FAM184A: variants seen among roughly 807,000 people sequenced by gnomAD.
The protein encoded by FAM184A is family with sequence similarity 184 member A.
Under a neutral mutation model 143.8 loss-of-function variants are expected in FAM184A, and 99 were observed. The ratio of observed to expected loss-of-function variants is 0.69; its 90% CI spans 0.58 to 0.81. The LOEUF (loss-of-function observed/expected upper bound fraction) is 0.81. FAM184A is among the 40% of genes least tolerant of loss of function. The probability of loss-of-function intolerance (pLI) is 0.00; values close to 1 mark genes in which losing one functional copy is unlikely to be tolerated. For synonymous variants in FAM184A, 427 were observed against 446.4 expected (o/e 0.96, Z 0.55); for missense variants, 1,217 against 1,310.5 (o/e 0.93, Z 1.10).
intron 1 of FAM184A, among the ~76,000 whole-genome samples, chr6:119,126,511 G>A (rs1401222018): frequency 2.6e-5 from 4 of 152,226 alleles, no homozygotes; most frequent in African/African-American, 9.7e-5. Context: ...GTAGCTGAGT[G>A]GGTGCAAGAG....
At chr6:119,050,140 C>A (rs1432589955) in intron 1 of FAM184A, among the ~76,000 whole-genome samples, 1 of 152,154 alleles carries the variant, frequency 6.6e-6, no homozygotes, top group Non-Finnish European at 1.5e-5. Context: ...CCATCTCACA[C>A]CAGTCAGAAT....
chr6:119,072,627 G>A (rs182199728), intron 1 of FAM184A, among the ~76,000 whole-genome samples: 58 of 152,262 alleles, frequency 3.8e-4, no homozygotes, highest in Admixed American at 6.5e-4. Flanking sequence ...TAAAAGCAGA[G>A]TTAGTATAAA....
intron 1 of FAM184A, among the ~76,000 whole-genome samples, chr6:119,035,087 A>AT (rs1207635227): frequency 6.6e-6 from 1 of 151,974 alleles, no homozygotes; most frequent in South Asian, 2.1e-4. Flanking sequence ...CTACGGAAGG[A>AT]TTTTTTTTAA....
intron 1 of FAM184A, among the ~76,000 whole-genome samples, chr6:119,095,490 AC>A (rs1788481123): frequency 1.3e-5 from 2 of 152,080 alleles, no homozygotes; most frequent in Admixed American, 1.3e-4. Flanking sequence ...CTTTCATGGC[AC>A]TCTTTGGGTG....
intron 9 of FAM184A, among the ~76,000 whole-genome samples, chr6:118,991,743 T>C (rs1266884906): frequency 1.6e-5 from 2 of 128,516 alleles, no homozygotes; most frequent in African/African-American, 5.6e-5. Context: ...GGGGTGCCCC[T>C]GAGAGGACTT....
chr6:119,108,711 T>C (rs925911949), intron 1 of FAM184A, among the ~76,000 whole-genome samples: 1 of 152,122 alleles, frequency 6.6e-6, no homozygotes, highest in Non-Finnish European at 1.5e-5. Flanking sequence ...GGATGGAGTT[T>C]GATGGAGAGT....
At chr6:119,007,854 T>C (rs1582496624) in intron 6 of FAM184A, among the ~76,000 whole-genome samples, 1 of 151,930 alleles carries the variant, frequency 6.6e-6, no homozygotes, top group African/African-American at 2.4e-5. Context: ...GGCAGGGGAA[T>C]TGCTTGCACC....
intron 1 of FAM184A, among the ~76,000 whole-genome samples, chr6:119,026,365 C>T (rs1287645680): frequency 1.3e-5 from 2 of 152,124 alleles, no homozygotes; most frequent in African/African-American, 4.8e-5. Context: ...AGCTTATAAG[C>T]CAAGAAAGCT....
chr6:118,997,700 G>GA (rs199929905), intron 9 of FAM184A, among the ~76,000 whole-genome samples: 14 of 143,652 alleles, frequency 9.7e-5, no homozygotes, highest in Admixed American at 1.4e-4. Flanking sequence ...CATCTCAGGG[G>GA]AAAAAAAAAA....
chr6:118,995,392 C>T (rs1784515019), intron 9 of FAM184A, among the ~76,000 whole-genome samples: 1 of 152,074 alleles, frequency 6.6e-6, no homozygotes, highest in African/African-American at 2.4e-5. Context: ...GCACTCCAGC[C>T]TAGGCAACAG....
At chr6:119,016,628 G>A (rs752829780) in intron 5 of FAM184A, 119 bp downstream of exon 5, 19 of 785,518 alleles carry the variant, frequency 2.4e-5, no homozygotes, top group Admixed American at 2.0e-4. Flanking sequence ...AACACTCACC[G>A]CGGGGGTCCG....
At chr6:119,126,312 C>T (rs1789364495) in intron 1 of FAM184A, among the ~76,000 whole-genome samples, 1 of 152,206 alleles carries the variant, frequency 6.6e-6, no homozygotes, top group Admixed American at 6.5e-5. Flanking sequence ...CCAGGAAGAG[C>T]CCAGTCACTT....
chr6:119,043,827 G>A (rs569212493), intron 1 of FAM184A, among the ~76,000 whole-genome samples: 2 of 152,310 alleles, frequency 1.3e-5, no homozygotes, highest in African/African-American at 4.8e-5. Context: ...ACACAGGTAT[G>A]CCTTTTCATT....
intron 1 of FAM184A, among the ~76,000 whole-genome samples, chr6:119,125,566 A>C (rs1416224311): frequency 6.6e-6 from 1 of 152,124 alleles, no homozygotes; most frequent in Non-Finnish European, 1.5e-5. Flanking sequence ...TTTAAAGCTC[A>C]TTTCTTTACA....
At chr6:119,144,813 T>C (rs187214946) in intron 1 of FAM184A, among the ~76,000 whole-genome samples, 144 of 151,714 alleles carry the variant, frequency 9.5e-4, no homozygotes, top group Middle Eastern at 3.4e-3. Flanking sequence ...GCCTAGGGGG[T>C]GGTAGATGGG....
intron 1 of FAM184A, among the ~76,000 whole-genome samples, chr6:119,076,758 A>G (rs940062330): frequency 2.6e-5 from 4 of 152,206 alleles, no homozygotes; most frequent in African/African-American, 9.6e-5. Context: ...GGAAGATCAA[A>G]CACTACTGCA....
chr6:119,054,014 A>G (rs766449451), intron 1 of FAM184A, among the ~76,000 whole-genome samples: 1 of 152,212 alleles, frequency 6.6e-6, no homozygotes, highest in Non-Finnish European at 1.5e-5. Flanking sequence ...GCCATAATAA[A>G]AGGATATGAA....
intron 1 of FAM184A, among the ~76,000 whole-genome samples, chr6:119,110,687 CTG>C (rs1481267726): frequency 1.3e-5 from 2 of 152,174 alleles, no homozygotes; most frequent in African/African-American, 2.4e-5. Context: ...TCAGGCAAGA[CTG>C]TGAAAGCTGT....
intron 1 of FAM184A, among the ~76,000 whole-genome samples, chr6:119,063,675 C>T (rs555676719): frequency 1.3e-5 from 2 of 152,176 alleles, no homozygotes; most frequent in Admixed American, 1.3e-4. Flanking sequence ...TGAAATTAAA[C>T]AGCATAAGAA....
Sources: allele counts gnomAD v4.1 joint callset (sites outside exome capture counted in the v4.1 genomes callset), GRCh38; gene constraint gnomAD v4.1.1; transcripts MANE v1.5; gene names NCBI Gene and HGNC (gene_info 2026-07-23, HGNC 2026-07-21).